SHISA9: variants seen among roughly 807,000 people sequenced by gnomAD.
SHISA9 encodes shisa family member 9.
A neutral mutation model predicts 38.0 loss-of-function variants in SHISA9; 13 were observed. That is an observed-to-expected ratio of 0.34 (90% confidence interval 0.22 to 0.54). The LOEUF is 0.54. Ranked by LOEUF, SHISA9 falls within the 20% of genes least tolerant of loss-of-function variation. The probability of loss-of-function intolerance (pLI) is 0.91; values close to 1 mark genes in which losing one functional copy is unlikely to be tolerated. For missense variants in SHISA9, 538 were observed against 575.8 expected (o/e 0.93, Z 0.67); for synonymous variants, 275 against 242.0 (o/e 1.14, Z -1.27).
chr16:13,373,460 T>C, the SHISA9 span, among the ~76,000 whole-genome samples: 1 of 152,178 alleles, frequency 6.6e-6, no homozygotes, highest in Non-Finnish European at 1.5e-5. Context: ...GGCTCGCTCA[T>C]CCGTAAGATG....
the SHISA9 span, among the ~76,000 whole-genome samples, chr16:13,338,583 A>G: frequency 1.3e-5 from 2 of 152,126 alleles, no homozygotes; most frequent in African/African-American, 2.4e-5. Context: ...TTGGGATTTT[A>G]TTTGGAAGTC....
At chr16:12,904,825 G>A (rs941973521) in intron 1 of SHISA9, among the ~76,000 whole-genome samples, 2 of 152,316 alleles carry the variant, frequency 1.3e-5, no homozygotes, top group Admixed American at 6.5e-5. Context: ...TCCCACCCTA[G>A]GCTACTTAGA....
At chr16:12,913,915 G>A (rs902288923) in intron 1 of SHISA9, among the ~76,000 whole-genome samples, 6 of 151,984 alleles carry the variant, frequency 3.9e-5, no homozygotes, top group Admixed American at 6.6e-5. Flanking sequence ...ATCAGCTGAC[G>A]GCCATTCAGG....
intron 2 of SHISA9, among the ~76,000 whole-genome samples, chr16:12,953,858 G>A (rs1256966660): frequency 6.6e-6 from 1 of 152,158 alleles, no homozygotes; most frequent in East Asian, 1.9e-4. Flanking sequence ...TTCTTCATAA[G>A]GTGGTAGGAG....
At chr16:13,517,933 G>A in the SHISA9 span, among the ~76,000 whole-genome samples, 3 of 152,170 alleles carry the variant, frequency 2.0e-5, no homozygotes, top group Non-Finnish European at 4.4e-5. Context: ...TTTCCACCCA[G>A]GCAGGCACCA....
At chr16:13,102,817 G>A (rs1370965315) in intron 2 of SHISA9, among the ~76,000 whole-genome samples, 3 of 152,048 alleles carry the variant, frequency 2.0e-5, no homozygotes, top group East Asian at 3.9e-4. Flanking sequence ...TCGCTGTTCC[G>A]GGAAAAATAA....
chr16:13,115,225 C>T (rs1008387371), intron 2 of SHISA9, among the ~76,000 whole-genome samples: 1 of 152,142 alleles, frequency 6.6e-6, no homozygotes, highest in African/African-American at 2.4e-5. Context: ...AGACCCTAAC[C>T]TATCAGCACT....
chr16:13,428,448 G>A, the SHISA9 span, among the ~76,000 whole-genome samples: 2 of 152,242 alleles, frequency 1.3e-5, no homozygotes, highest in Admixed American at 1.3e-4. Context: ...AAAAAATTGG[G>A]TTTTATAGAC....
the SHISA9 span, among the ~76,000 whole-genome samples, chr16:13,357,060 C>A: frequency 1.4e-4 from 21 of 151,990 alleles, no homozygotes; most frequent in African/African-American, 5.1e-4. Flanking sequence ...GGAGGCAAAC[C>A]CACAGAAAAC....
At chr16:12,997,103 C>T (rs982790918) in intron 2 of SHISA9, among the ~76,000 whole-genome samples, 1 of 152,088 alleles carries the variant, frequency 6.6e-6, no homozygotes, top group African/African-American at 2.4e-5. Flanking sequence ...ATTTTCATCA[C>T]CCCCCAAATT....
chr16:12,999,920 G>A (rs1331551580), intron 2 of SHISA9, among the ~76,000 whole-genome samples: 1 of 152,176 alleles, frequency 6.6e-6, no homozygotes, highest in Non-Finnish European at 1.5e-5. Flanking sequence ...TGCAATGGAA[G>A]CTGGGAAATA....
chr16:13,509,624 A>G, the SHISA9 span, among the ~76,000 whole-genome samples: 1 of 152,152 alleles, frequency 6.6e-6, no homozygotes. Context: ...GATCTCAAGT[A>G]TTTTCACCAG....
At chr16:12,908,845 C>T in intron 1 of SHISA9, 1 of 1,217,816 alleles carries the variant, frequency 8.2e-7, no homozygotes, top group Non-Finnish European at 1.0e-6. Flanking sequence ...ACACTTGAAG[C>T]CAGTAGGGAA....
At chr16:13,110,635 G>A (rs533648657) in intron 2 of SHISA9, among the ~76,000 whole-genome samples, 6 of 152,178 alleles carry the variant, frequency 3.9e-5, no homozygotes, top group East Asian at 1.9e-4. Flanking sequence ...CTGGAGACTC[G>A]GAAACAGTCA....
the SHISA9 span, among the ~76,000 whole-genome samples, chr16:13,445,794 T>C: frequency 1.3e-5 from 2 of 152,188 alleles, no homozygotes; most frequent in East Asian, 3.9e-4. Context: ...ACTTTACCAC[T>C]TACCAGTTAT....
At chr16:13,199,910 C>T (rs376252735) in intron 2 of SHISA9, among the ~76,000 whole-genome samples, 153 of 152,334 alleles carry the variant, frequency 1.0e-3, no homozygotes, top group African/African-American at 3.4e-3. Flanking sequence ...CCAGCTCTTA[C>T]ATCCCTGAGC....
intron 2 of SHISA9, among the ~76,000 whole-genome samples, chr16:13,070,593 A>T (rs1466262338): frequency 6.6e-6 from 1 of 152,228 alleles, no homozygotes; most frequent in Non-Finnish European, 1.5e-5. Flanking sequence ...TAGGCCACCC[A>T]GGAACAAATT....
intron 2 of SHISA9, among the ~76,000 whole-genome samples, chr16:13,199,707 G>A (rs2050985564): frequency 6.6e-6 from 1 of 152,174 alleles, no homozygotes; most frequent in South Asian, 2.1e-4. Context: ...AAAGTTGATG[G>A]AAGATGGAAG....
the SHISA9 span, among the ~76,000 whole-genome samples, chr16:13,483,456 A>G: frequency 6.6e-6 from 1 of 152,202 alleles, no homozygotes; most frequent in Non-Finnish European, 1.5e-5. Flanking sequence ...ACGGGTCACA[A>G]ATGAGCTTCA....
Sources: allele counts gnomAD v4.1 joint callset (sites outside exome capture counted in the v4.1 genomes callset), GRCh38; gene constraint gnomAD v4.1.1; transcripts MANE v1.5; gene names NCBI Gene and HGNC (gene_info 2026-07-23, HGNC 2026-07-21).